Variants in SEPTIN7 observed in about 807,000 individuals in gnomAD.
The protein encoded by SEPTIN7 is septin 7, also known as septin-7.
A neutral mutation model predicts 63.3 loss-of-function variants in SEPTIN7; 10 were observed. That is an observed-to-expected ratio of 0.16 (90% CI 0.10 to 0.27). The LOEUF is 0.27. Among genes scored for constraint, SEPTIN7 ranks in the 10% least tolerant of loss-of-function variants. The probability of loss-of-function intolerance (pLI) is 1.00; values close to 1 mark genes in which losing one functional copy is unlikely to be tolerated. For synonymous variants in SEPTIN7, 131 were observed against 165.3 expected (o/e 0.79, Z 1.59); for missense variants, 310 against 521.0 (o/e 0.59, Z 3.94).
In SEPTIN7 at chr7:35,801,236, T is replaced by C. The variant is rs745883671; in HGVS notation, c.27T>C (p.Ala9=). MSVSARSA[A]AEERSVNSST... is the part of the protein sequence containing the mutation. Reference sequence around the variant, plus strand: ...TGTCGGTCAGTGCGAGATCCGCTGCTGCTGAGGAGAGGAGCGTCAACAGCA... The same window carrying C: ...TGTCGGTCAGTGCGAGATCCGCTGCCGCTGAGGAGAGGAGCGTCAACAGCA... The change falls in exon 1 of 14, where the codon GCT becomes GCC. Residue 9 remains alanine (A), a synonymous_variant. Coordinates refer to ENST00000350320, the MANE Select transcript of SEPTIN7 (RefSeq NM_001788.6). The C allele has an allele frequency of 1.5e-5, 23 of 1,535,072 alleles. No individual in the cohort carries two copies. Among genetic ancestry groups the C allele is most frequent in the East Asian group, 2.6e-5 (1 of 38,100 alleles).
chr7:35,871,356 G>A (rs185027217), intron 4 of SEPTIN7, among the ~76,000 whole-genome samples: 21 of 152,098 alleles, frequency 1.4e-4, no homozygotes, highest in African/African-American at 4.3e-4. Flanking sequence ...CTGTGTATTC[G>A]GTAGTCACTA....
intron 4 of SEPTIN7, among the ~76,000 whole-genome samples, chr7:35,868,513 A>G (rs1489347944): frequency 2.0e-5 from 3 of 151,946 alleles, no homozygotes; most frequent in Non-Finnish European, 2.9e-5. Context: ...GGTGCTGTAG[A>G]GGTGACCTTG....
At chr7:35,862,598 C>G (rs540589853) in intron 3 of SEPTIN7, among the ~76,000 whole-genome samples, 50 of 152,168 alleles carry the variant, frequency 3.3e-4, no homozygotes, top group Admixed American at 6.5e-4. Context: ...TTGGCACGCT[C>G]TCAGTCAAAG....
downstream of SEPTIN7, among the ~76,000 whole-genome samples, chr7:35,907,773 C>G (rs1431948860): frequency 6.6e-6 from 1 of 152,178 alleles, no homozygotes; most frequent in Admixed American, 6.5e-5. Flanking sequence ...ACCAGACATG[C>G]TAATTGTCTC....
intron 1 of SEPTIN7, among the ~76,000 whole-genome samples, chr7:35,818,034 A>T (rs1294840020): frequency 6.6e-6 from 1 of 152,062 alleles, no homozygotes; most frequent in East Asian, 1.9e-4. Flanking sequence ...AACTGTGTTG[A>T]TTAGGAGTAG....
chr7:35,845,520 G>T (rs187911259), intron 3 of SEPTIN7, among the ~76,000 whole-genome samples: 18 of 152,236 alleles, frequency 1.2e-4, no homozygotes, highest in African/African-American at 4.3e-4. Context: ...GCTGTTTTCT[G>T]GTGAGAGTCA....
chr7:35,896,471 C>T (rs1218335867), intron 11 of SEPTIN7, among the ~76,000 whole-genome samples: 7 of 152,050 alleles, frequency 4.6e-5, no homozygotes, highest in East Asian at 1.9e-4. Flanking sequence ...ACCCTTTCAC[C>T]GGAAGAATCC....
the SEPTIN7 span, among the ~76,000 whole-genome samples, chr7:35,912,781 G>A: frequency 6.6e-6 from 1 of 152,192 alleles, no homozygotes; most frequent in Non-Finnish European, 1.5e-5. Flanking sequence ...TATATTCTCA[G>A]CCACACTTAG....
intron 1 of SEPTIN7, among the ~76,000 whole-genome samples, chr7:35,805,936 A>T (rs1200160249): frequency 6.6e-6 from 1 of 152,112 alleles, no homozygotes; most frequent in Non-Finnish European, 1.5e-5. Context: ...TCCAGGTCAG[A>T]GTTTCTCATT....
At chr7:35,867,769 A>G (rs1281322510) in intron 4 of SEPTIN7, among the ~76,000 whole-genome samples, 1 of 152,128 alleles carries the variant, frequency 6.6e-6, no homozygotes. Context: ...CTCTTAATGT[A>G]TTAAGATAAT....
chr7:35,838,356 CCCTCCCT>C lies in SEPTIN7; in HGVS notation c.169+5466_169+5472del, dbSNP rs1345723243. Reference sequence around the variant, plus strand: ...TCCCTCCCTCCCTCCCTCCCTCCCTCCCTCCCTCCTCCCTCCCTCCCTCCCTCCCTCC... The same window carrying C: ...TCCCTCCCTCCCTCCCTCCCTCCCTCCCTCCCTCCCTCCCTCCCTCCCTCC... On this transcript the variant is annotated intron_variant, in intron 3 of 13. Coordinates refer to ENST00000350320, the MANE Select transcript of SEPTIN7 (RefSeq NM_001788.6). Among the ~76,000 whole-genome samples the C allele has an allele frequency of 7.7e-5, 2 of 25,858 alleles. 1 individual carries two copies. The highest frequency in any genetic ancestry group is 3.7e-4 in the African/African-American group (2 of 5,478). 17.0% of individuals were successfully genotyped at this position (25,858 alleles called of 152,430 possible).
intron 3 of SEPTIN7, among the ~76,000 whole-genome samples, chr7:35,849,684 TAAAGAAAAA>T (rs1318639337): frequency 1.3e-5 from 2 of 152,190 alleles, no homozygotes; most frequent in Non-Finnish European, 2.9e-5. Flanking sequence ...CAGCCAGATG[TAAAGAAAAA>T]ATAAACCTCT....
rs10255066 is a variant in SEPTIN7, at chr7:35,905,574, G to A, written c.*1281G>A. ...TGCTTCATTGCCCAGGCTGGAGTGC[G>A]GTGGCACAAACACGACTTGACTGCA... On this transcript the variant is annotated 3_prime_UTR_variant, in exon 14 of 14. Transcript: ENST00000350320. 0.35 allele frequency: 53,509 copies of A among 151,954 alleles called. 9,890 individuals carry two copies. The highest frequency in any genetic ancestry group is 0.48 in the East Asian group (2,492 of 5,158). 9.4% of individuals were successfully genotyped at this position (151,954 alleles called of 1,614,324 possible). A position where few individuals can be genotyped will look rare whatever the true frequency, so the allele number is the denominator to read the frequency against.
chr7:35,808,913 C>G (rs543816669), intron 1 of SEPTIN7, among the ~76,000 whole-genome samples: 2 of 152,228 alleles, frequency 1.3e-5, no homozygotes, highest in East Asian at 1.9e-4. Flanking sequence ...GGATATTGAT[C>G]TCTTCACATT....
At chr7:35,873,797 A>T in intron 6 of SEPTIN7, 22 bp downstream of exon 6, 1 of 1,603,754 alleles carries the variant, frequency 6.2e-7, no homozygotes, top group East Asian at 2.2e-5. Flanking sequence ...GATACTTCTG[A>T]TTCCTTTTTT....
Position 35,904,504 on chromosome 7 carries a change from T to TGGCCGGGCGCGGTGGCTC in SEPTIN7, c.*211_*212insGGCCGGGCGCGGTGGCTC. 2.6e-6 allele frequency: 1 copy of TGGCCGGGCGCGGTGGCTC among 383,062 alleles called. No individual in the cohort carries two copies. Among genetic ancestry groups the TGGCCGGGCGCGGTGGCTC allele is most frequent in the East Asian group, 3.8e-5 (1 of 26,424 alleles). The allele number at this position is 383,062 out of a possible 1,614,324, so 23.7% of individuals were successfully genotyped here. A position where few individuals can be genotyped will look rare whatever the true frequency, so the allele number is the denominator to read the frequency against. On this transcript the variant is annotated 3_prime_UTR_variant, in exon 14 of 14. Transcript: ENST00000350320. Reference sequence around the variant, plus strand: ...TTCTGTACTTAGAAAGTAAGAGCTCTAAGTACCTTTCCTACATTTTCTTTT... The same window carrying TGGCCGGGCGCGGTGGCTC: ...TTCTGTACTTAGAAAGTAAGAGCTCTGGCCGGGCGCGGTGGCTCAAGTACCTTTCCTACATTTTCTTTT...
At chr7:35,870,853 C>G (rs1786101500) in intron 4 of SEPTIN7, among the ~76,000 whole-genome samples, 2 of 148,548 alleles carry the variant, frequency 1.3e-5, no homozygotes, top group African/African-American at 4.9e-5. Flanking sequence ...AATGTTTTTC[C>G]TTTGGTTCTC....
chr7:35,804,668 G>A (rs771588355), intron 1 of SEPTIN7, among the ~76,000 whole-genome samples: 6 of 152,080 alleles, frequency 3.9e-5, no homozygotes, highest in Non-Finnish European at 7.4e-5. Context: ...TAACAATACG[G>A]TACATTGAGA....
chr7:35,901,059 T>C (rs935186549), intron 12 of SEPTIN7: 3 of 152,190 alleles, frequency 2.0e-5, no homozygotes, highest in African/African-American at 7.2e-5. Context: ...GAAACCCTTT[T>C]AGCCTTGTTT....
Sources: gnomAD v4.1 joint callset for allele counts (sites outside exome capture counted in the v4.1 genomes callset) on GRCh38, gnomAD v4.1.1 for gene constraint, MANE v1.5 for transcripts, NCBI Gene and HGNC (gene_info 2026-07-23, HGNC 2026-07-21) for gene names.